The following TCF20 variants were observed in gnomAD, a reference collection of about 807,000 sequenced individuals.
TCF20 encodes SPRE-binding protein.
TCF20 carries 3 observed loss-of-function variants against 148.6 expected under a neutral mutation model. The observed-to-expected ratio is 0.02, with a 90% CI of 0.01 to 0.05. TCF20 has a LOEUF of 0.05. Ranked by LOEUF, TCF20 falls within the 10% of genes least tolerant of loss-of-function variation. TCF20 has a pLI of 1.00. For missense variants in TCF20, 2,350 were observed against 2,429.3 expected (o/e 0.97, Z 0.69); for synonymous variants, 1,049 against 909.5 (o/e 1.15, Z -2.76).
At chr22:42,270,911 C>A (rs1458602350), upstream of TCF20, among the ~76,000 whole-genome samples, 1 of 151,760 alleles carries the variant, frequency 6.6e-6, no homozygotes, top group Non-Finnish European at 1.5e-5. Flanking sequence ...GCCACCCGCC[C>A]AGTGCCATCT....
At chr22:42,268,166 G>C (rs1457615769) in intron 1 of TCF20, among the ~76,000 whole-genome samples, 2 of 139,452 alleles carry the variant, frequency 1.4e-5, no homozygotes, top group African/African-American at 5.4e-5. Flanking sequence ...TAAATAAAAG[G>C]GGATTTAATT....
chr22:42,245,957 T>A (rs1259088909), intron 1 of TCF20, among the ~76,000 whole-genome samples: 3 of 152,130 alleles, frequency 2.0e-5, no homozygotes, highest in Non-Finnish European at 4.4e-5. Context: ...TCTAGTTGTC[T>A]GTTTCCCACA....
chr22:42,209,736 C>T lies in TCF20; in HGVS notation c.5570G>A (p.Gly1857Asp). Residue 1857 changes from glycine (G) to aspartate (D), a missense_variant, in exon 2 of 6, where the codon GGT becomes GAT. Gly to Asp is a moderately conservative substitution (Grantham distance 94). Transcript: ENST00000677622. ...GATTCCATTGGCCCAGAGAATACAA[C>T]CCTCATGGACCCAAAATTCATTGCT... ...LDSNEFWVHEGCILWANGIYL... is the reference protein window; with the variant it reads ...LDSNEFWVHEDCILWANGIYL... 1 of 1,614,198 alleles carries T rather than the reference C, an allele frequency of 6.2e-7. No homozygotes were observed.
rs117957493 is a variant in TCF20, at chr22:42,306,621, C to T, written c.-37+36858G>A. On this transcript the variant is annotated intron_variant, in intron 1 of 1. Coordinates refer to the TCF20 transcript ENST00000515426. The stretch of plus-strand genomic sequence containing the variant: ...TAGGGAAACAGCACTAATGGGGCTT[C>T]GTCTGAGCCTGGGGCTGTGCTGGGT... Among the ~76,000 whole-genome samples the T allele has an allele frequency of 0.014, 2,138 of 152,298 alleles. 266 individuals are homozygous for T. In the East Asian group the frequency reaches 0.31, roughly 22 times the overall value.
At chr22:42,331,829 G>T (rs984423601) in intron 1 of TCF20, among the ~76,000 whole-genome samples, 33 of 152,266 alleles carry the variant, frequency 2.2e-4, no homozygotes, top group African/African-American at 7.7e-4. Context: ...GGAAGGGAAG[G>T]TCTGGTTCCT....
chr22:42,327,017 G>A (rs1039121021), intron 1 of TCF20, among the ~76,000 whole-genome samples: 3 of 152,212 alleles, frequency 2.0e-5, no homozygotes, highest in Admixed American at 1.3e-4. Context: ...AGGAGAAGAG[G>A]AACGATCACG....
intron 1 of TCF20, among the ~76,000 whole-genome samples, chr22:42,220,449 C>T (rs116648605): frequency 0.013 from 1,974 of 152,342 alleles, 38 homozygotes; most frequent in African/African-American, 0.045. Flanking sequence ...CCTGCTGTTT[C>T]AACCTCCCAA....
intron 1 of TCF20, among the ~76,000 whole-genome samples, chr22:42,291,620 A>G (rs1194722421): frequency 6.6e-6 from 1 of 152,052 alleles, no homozygotes; most frequent in Admixed American, 6.5e-5. Context: ...CAGCCCCTGC[A>G]TGGGGAATCA....
At chr22:42,253,905 T>C (rs937302079) in intron 1 of TCF20, among the ~76,000 whole-genome samples, 1 of 152,106 alleles carries the variant, frequency 6.6e-6, no homozygotes, top group African/African-American at 2.4e-5. Context: ...GGAGAAACCC[T>C]GTCTCTACTA....
chr22:42,343,503 G>A (rs1928204633), exon 1 of TCF20: 1 of 148,960 alleles, frequency 6.7e-6, no homozygotes, highest in East Asian at 2.0e-4. Flanking sequence ...GGCCGGCATC[G>A]GTCCCGCAGG....
chr22:42,260,119 C>T (rs1239341289), intron 1 of TCF20, among the ~76,000 whole-genome samples: 1 of 152,086 alleles, frequency 6.6e-6, no homozygotes. Flanking sequence ...ACCTGAATGA[C>T]AAACAGAAAC....
At chr22:42,265,743 T>G (rs1304408580) in intron 1 of TCF20, among the ~76,000 whole-genome samples, 2 of 152,304 alleles carry the variant, frequency 1.3e-5, no homozygotes, top group East Asian at 3.9e-4. Context: ...AATATATCTT[T>G]TGAGTCCCAC....
In TCF20 at chr22:42,161,335, A is replaced by AC. The variant is rs757768232; in HGVS notation, c.*67dup. 1.2e-6 allele frequency: 2 copies of AC among 1,613,868 alleles called. No individual in the cohort carries two copies. The highest frequency in any genetic ancestry group is 2.7e-5 in the African/African-American group (2 of 74,864). ...TTCCATTCCATCACGAGTGTCCACC[A>AC]CCTTCTCATCTCCACAGTCTCACCT... On this transcript the variant is annotated 3_prime_UTR_variant, in exon 6 of 6. Coordinates refer to ENST00000677622, the MANE Select transcript of TCF20 (RefSeq NM_001378418.1).
intron 1 of TCF20, among the ~76,000 whole-genome samples, chr22:42,250,960 G>A (rs777960913): frequency 1.3e-5 from 2 of 152,118 alleles, no homozygotes; most frequent in Non-Finnish European, 2.9e-5. Flanking sequence ...CAGATCTCGC[G>A]AGAAGTCGCT....
In TCF20 at chr22:42,292,971, G is replaced by A. The variant is rs1019567558; in HGVS notation, c.-37+50508C>T. On this transcript the variant is annotated intron_variant, in intron 1 of 1. Coordinates refer to the TCF20 transcript ENST00000515426. This position sits in a 1 kb window ranked among gnomAD's most constrained non-coding sequence, Gnocchi z 4.9. ...GCGGGGTTTGAATTTCAGGAGCTGG[G>A]CCTCATAGGCAGGGCAGAAAGGCCA... Among the ~76,000 whole-genome samples the A allele has an allele frequency of 1.3e-5, 2 of 151,488 alleles. No individual in the cohort carries two copies. Among genetic ancestry groups the A allele is most frequent in the South Asian group, 4.2e-4 (2 of 4,762 alleles).
chr22:42,330,729 G>A (rs767874727), intron 1 of TCF20, among the ~76,000 whole-genome samples: 1 of 152,214 alleles, frequency 6.6e-6, no homozygotes, highest in Non-Finnish European at 1.5e-5. Flanking sequence ...GCACCCATCC[G>A]AGCCCCTGAT....
At chr22:42,306,515 C>G (rs1435658675) in intron 1 of TCF20, among the ~76,000 whole-genome samples, 1 of 152,224 alleles carries the variant, frequency 6.6e-6, no homozygotes, top group Non-Finnish European at 1.5e-5. Context: ...GACAGGCAGG[C>G]AGTGGGCCTC....
At chr22:42,236,436 C>T (rs1923892127) in intron 1 of TCF20, among the ~76,000 whole-genome samples, 2 of 152,146 alleles carry the variant, frequency 1.3e-5, no homozygotes, top group South Asian at 4.1e-4. Flanking sequence ...ATGAAGAATG[C>T]CGACGGAGCG....
intron 2 of TCF20, among the ~76,000 whole-genome samples, chr22:42,193,032 G>C (rs566968762): frequency 6.4e-4 from 98 of 152,236 alleles, no homozygotes; most frequent in Non-Finnish European, 1.2e-3. Context: ...CCTCAAGAAA[G>C]TTTTAGAACT....
Sources: allele counts gnomAD v4.1 joint callset (sites outside exome capture counted in the v4.1 genomes callset), GRCh38; gene constraint gnomAD v4.1.1; non-coding constraint Gnocchi (gnomAD v3.1); transcripts MANE v1.5; gene names NCBI Gene and HGNC (gene_info 2026-07-23, HGNC 2026-07-21).